MBD5: variants seen among roughly 807,000 people sequenced by gnomAD.
The protein encoded by MBD5 is methyl-CpG-binding domain protein 5.
In MBD5, 13 loss-of-function variants were observed where a neutral mutation model predicts 117.3. That is an observed-to-expected ratio of 0.11 (90% CI 0.07 to 0.18). The LOEUF is 0.18. Among genes scored for constraint, MBD5 ranks in the 10% least tolerant of loss-of-function variants. MBD5 has a pLI of 1.00. For missense variants in MBD5, 1,879 were observed against 2,093.8 expected (o/e 0.90, Z 2.00); for synonymous variants, 727 against 766.4 (o/e 0.95, Z 0.85).
At chr2:148,043,827 A>T (rs1694443377) in intron 1 of MBD5, among the ~76,000 whole-genome samples, 1 of 152,236 alleles carries the variant, frequency 6.6e-6, no homozygotes, top group Admixed American at 6.5e-5. Context: ...AAAATAAGTA[A>T]ATTTAACTTA....
chr2:148,430,218 C>T lies in MBD5; in HGVS notation c.-556-27985C>T, dbSNP rs1331220661. ...TGCTTACTTAGTGCCAGGCACTAAG[C>T]CCTTTGCAAATCTTCATTTATTGCA... On this transcript the variant is annotated intron_variant, in intron 4 of 13. Coordinates refer to ENST00000642680, the MANE Select transcript of MBD5 (RefSeq NM_001378120.1). Among the ~76,000 whole-genome samples, 5 of 152,174 alleles carry T rather than the reference C, an allele frequency of 3.3e-5. No individual in the cohort carries two copies. The East Asian group carries it at 9.7e-4, about 29-fold the overall frequency.
At chr2:148,142,834 A>G (rs1697351426) in intron 1 of MBD5, among the ~76,000 whole-genome samples, 1 of 152,192 alleles carries the variant, frequency 6.6e-6, no homozygotes, top group African/African-American at 2.4e-5. Context: ...TCGGAAGAGT[A>G]TATAAAAATT....
intron 1 of MBD5, among the ~76,000 whole-genome samples, chr2:148,046,678 A>G (rs1041906095): frequency 8.5e-5 from 13 of 152,096 alleles, no homozygotes; most frequent in African/African-American, 3.1e-4. Flanking sequence ...TGTTATGCAC[A>G]TTGCTGCTAG....
At chr2:148,059,581 T>C (rs919120842) in intron 1 of MBD5, among the ~76,000 whole-genome samples, 4 of 152,128 alleles carry the variant, frequency 2.6e-5, no homozygotes, top group South Asian at 4.1e-4. Context: ...GGCGCGGTGG[T>C]TCATGCCTGT....
At position 148,053,675 on chromosome 2, in the gene MBD5, T is replaced by C. The variant is rs149851524; in HGVS notation, c.-925+31991T>C. Among the ~76,000 whole-genome samples, 601 of 152,214 alleles carry C rather than the reference T, an allele frequency of 3.9e-3. 2 individuals are homozygous for C. Among genetic ancestry groups the C allele is most frequent in the African/African-American group, 0.013 (559 of 41,550 alleles). Reference sequence around the variant, plus strand: ...CTCTGGCTTATTTCACCCAGTATTATATTATTTGAGATTCATACATATGTT... The same window carrying C: ...CTCTGGCTTATTTCACCCAGTATTACATTATTTGAGATTCATACATATGTT... On this transcript the variant is annotated intron_variant, in intron 1 of 13. Coordinates refer to ENST00000642680, the MANE Select transcript of MBD5 (RefSeq NM_001378120.1).
At chr2:148,382,527 T>C (rs1335043129) in intron 4 of MBD5, among the ~76,000 whole-genome samples, 2 of 152,106 alleles carry the variant, frequency 1.3e-5, no homozygotes, top group Non-Finnish European at 2.9e-5. Context: ...CACCCCACTG[T>C]CAACATTAGA....
chr2:148,202,994 A>G (rs926498557), intron 2 of MBD5, among the ~76,000 whole-genome samples: 5 of 152,082 alleles, frequency 3.3e-5, no homozygotes, highest in African/African-American at 1.2e-4. Flanking sequence ...AATACCAGGT[A>G]CTCAGGAGGC....
chr2:148,206,100 G>C (rs1322624129), intron 2 of MBD5, among the ~76,000 whole-genome samples: 1 of 150,776 alleles, frequency 6.6e-6, no homozygotes, highest in Non-Finnish European at 1.5e-5. Context: ...TCCAACTTGT[G>C]CAACAAGAGT....
chr2:148,269,442 G>C (rs1304008744), intron 3 of MBD5, among the ~76,000 whole-genome samples: 1 of 151,638 alleles, frequency 6.6e-6, no homozygotes, highest in Non-Finnish European at 1.5e-5. Context: ...TTAAGTCCTT[G>C]TATTTCTAGA....
At chr2:148,302,970 A>G (rs114785766) in intron 3 of MBD5, among the ~76,000 whole-genome samples, 2,988 of 148,992 alleles carry the variant, frequency 0.02, 112 homozygotes, top group African/African-American at 0.07. Context: ...TATATGTTAT[A>G]CATTATTATA....
chr2:148,323,709 T>C (rs940070273), intron 3 of MBD5, among the ~76,000 whole-genome samples: 7 of 152,224 alleles, frequency 4.6e-5, no homozygotes, highest in African/African-American at 1.7e-4. Context: ...TTTTTTCTTG[T>C]AAATTTGAGT....
chr2:148,150,615 C>A (rs1697630694), intron 1 of MBD5, among the ~76,000 whole-genome samples: 1 of 151,674 alleles, frequency 6.6e-6, no homozygotes, highest in South Asian at 2.1e-4. Flanking sequence ...CTTTTATTTC[C>A]TGGAGCAGTG....
At chr2:148,110,360 G>T (rs1404645840) in intron 1 of MBD5, among the ~76,000 whole-genome samples, 1 of 152,128 alleles carries the variant, frequency 6.6e-6, no homozygotes, top group African/African-American at 2.4e-5. Flanking sequence ...AGGAAATGTG[G>T]TCAGGAATGA....
At chr2:148,251,187 G>A (rs1419369771) in intron 3 of MBD5, among the ~76,000 whole-genome samples, 2 of 152,092 alleles carry the variant, frequency 1.3e-5, no homozygotes, top group Non-Finnish European at 2.9e-5. Context: ...GTCTGCCAGA[G>A]CAATTATTTT....
chr2:148,417,416 G>A (rs1237668381), intron 4 of MBD5, among the ~76,000 whole-genome samples: 1 of 150,752 alleles, frequency 6.6e-6, no homozygotes, highest in South Asian at 2.1e-4. Context: ...TGGGAATACA[G>A]GCATGAGCCA....
chr2:148,211,468 AT>A, intron 2 of MBD5, among the ~76,000 whole-genome samples: 1 of 152,188 alleles, frequency 6.6e-6, no homozygotes, highest in East Asian at 1.9e-4. Flanking sequence ...GAAATTTTCG[AT>A]TTTTGTTATA....
chr2:148,137,943 A>C (rs1043097514), intron 1 of MBD5, among the ~76,000 whole-genome samples: 1 of 152,084 alleles, frequency 6.6e-6, no homozygotes, highest in Admixed American at 6.6e-5. Flanking sequence ...TTGTAAATAC[A>C]CTCTGTGATG....
At chr2:148,293,244 G>T (rs1168460010) in intron 3 of MBD5, among the ~76,000 whole-genome samples, 2 of 151,980 alleles carry the variant, frequency 1.3e-5, no homozygotes, top group Admixed American at 1.3e-4. Flanking sequence ...GGCTGGGAAG[G>T]GTAGTAGGGG....
intron 4 of MBD5, among the ~76,000 whole-genome samples, chr2:148,425,259 T>C (rs1705742710): frequency 6.6e-6 from 1 of 151,870 alleles, no homozygotes; most frequent in African/African-American, 2.4e-5. Context: ...TATAAACACC[T>C]CTAAGCAAAT....
Sources: allele counts gnomAD v4.1 joint callset (sites outside exome capture counted in the v4.1 genomes callset), GRCh38; gene constraint gnomAD v4.1.1; transcripts MANE v1.5; gene names NCBI Gene and HGNC (gene_info 2026-07-23, HGNC 2026-07-21).